The following LRRTM4 variants were observed in gnomAD, a reference collection of about 807,000 sequenced individuals.
LRRTM4 encodes the protein leucine-rich repeat transmembrane neuronal protein 4.
LRRTM4 carries 25 observed loss-of-function variants against 47.6 expected under a neutral mutation model. That is an observed-to-expected ratio of 0.53 (90% CI 0.38 to 0.73). LRRTM4 has a LOEUF of 0.73. Among genes scored for constraint, LRRTM4 ranks in the 30% least tolerant of loss-of-function variants. The pLI is 0.00. For synonymous variants in LRRTM4, 311 were observed against 269.5 expected (o/e 1.15, Z -1.51); for missense variants, 638 against 713.4 (o/e 0.89, Z 1.20).
At chr2:77,223,559 A>G (rs370108231) in intron 3 of LRRTM4, among the ~76,000 whole-genome samples, 1 of 152,002 alleles carries the variant, frequency 6.6e-6, no homozygotes, top group Non-Finnish European at 1.5e-5. Flanking sequence ...TTCTTATACA[A>G]CAATAACAGA....
chr2:77,076,221 C>A (rs1004052468), intron 3 of LRRTM4, among the ~76,000 whole-genome samples: 8 of 152,158 alleles, frequency 5.3e-5, no homozygotes, highest in Non-Finnish European at 1.0e-4. Context: ...AGAACTTACA[C>A]TGTCCTTGGA....
intron 3 of LRRTM4, among the ~76,000 whole-genome samples, chr2:77,509,104 C>T (rs577582695): frequency 2.0e-5 from 3 of 151,852 alleles, no homozygotes; most frequent in South Asian, 2.1e-4. Flanking sequence ...TGGTAGCACA[C>T]ACCTGTAATC....
chr2:76,786,785 A>ACAAAC (rs1283621788), intron 3 of LRRTM4, among the ~76,000 whole-genome samples: 2 of 152,068 alleles, frequency 1.3e-5, no homozygotes, highest in Non-Finnish European at 2.9e-5. Context: ...TTCTTGGTTG[A>ACAAAC]CAAACCAAAA....
chr2:76,950,949 C>T (rs1483651397), intron 3 of LRRTM4, among the ~76,000 whole-genome samples: 1 of 151,974 alleles, frequency 6.6e-6, no homozygotes, highest in Non-Finnish European at 1.5e-5. Flanking sequence ...AGCCTGTTTT[C>T]CTTCATTTCA....
intron 3 of LRRTM4, among the ~76,000 whole-genome samples, chr2:77,110,577 T>TGG (rs746640515): frequency 4.2e-4 from 64 of 152,324 alleles, no homozygotes; most frequent in South Asian, 1.7e-3. Flanking sequence ...TGAAGTTGTG[T>TGG]GCAAATGTTT....
chr2:76,947,532 A>C (rs1372269604), intron 3 of LRRTM4, among the ~76,000 whole-genome samples: 2 of 151,884 alleles, frequency 1.3e-5, no homozygotes, highest in African/African-American at 4.8e-5. Context: ...GTGTTCACTC[A>C]TAATGTATGT....
intron 3 of LRRTM4, among the ~76,000 whole-genome samples, chr2:77,402,298 A>G (rs765955480): frequency 3.3e-5 from 5 of 151,906 alleles, no homozygotes; most frequent in Non-Finnish European, 7.4e-5. Flanking sequence ...GGTGTGTGCC[A>G]CCATACCTGA....
intron 3 of LRRTM4, among the ~76,000 whole-genome samples, chr2:76,894,617 G>A (rs1327513908): frequency 2.6e-5 from 4 of 151,914 alleles, no homozygotes; most frequent in East Asian, 3.9e-4. Context: ...ATGGGCAAAG[G>A]CTCTGAATTA....
intron 3 of LRRTM4, among the ~76,000 whole-genome samples, chr2:76,763,437 C>T (rs1365483297): frequency 1.3e-5 from 2 of 152,176 alleles, no homozygotes; most frequent in African/African-American, 2.4e-5. Flanking sequence ...CAAAAACAGT[C>T]ATGTGAGCAC....
chr2:76,938,122 C>A (rs1045155961), intron 3 of LRRTM4, among the ~76,000 whole-genome samples: 1 of 151,936 alleles, frequency 6.6e-6, no homozygotes, highest in Admixed American at 6.6e-5. Flanking sequence ...GAAAAAAATT[C>A]TACTGATTGG....
chr2:76,950,839 A>T (rs181595114), intron 3 of LRRTM4, among the ~76,000 whole-genome samples: 138 of 152,116 alleles, frequency 9.1e-4, no homozygotes, highest in Non-Finnish European at 1.6e-3. Flanking sequence ...CCATATTAAG[A>T]CTAGGCTAAA....
chr2:76,788,493 T>G (rs561283224), intron 3 of LRRTM4, among the ~76,000 whole-genome samples: 1 of 152,090 alleles, frequency 6.6e-6, no homozygotes, highest in Non-Finnish European at 1.5e-5. Context: ...AGATACAGAG[T>G]GTAATGCTCT....
At chr2:77,288,545 ACTC>A (rs1676726205) in intron 3 of LRRTM4, among the ~76,000 whole-genome samples, 1 of 152,034 alleles carries the variant, frequency 6.6e-6, no homozygotes, top group African/African-American at 2.4e-5. Context: ...GGTTTTAAGA[ACTC>A]ATCATTTTCC....
intron 3 of LRRTM4, among the ~76,000 whole-genome samples, chr2:77,312,230 T>C (rs1022441348): frequency 2.6e-5 from 4 of 152,146 alleles, no homozygotes; most frequent in Non-Finnish European, 5.9e-5. Context: ...TTCCACAGTA[T>C]TAATTGGGTG....
chr2:76,811,179 C>A (rs929627484), intron 3 of LRRTM4, among the ~76,000 whole-genome samples: 12 of 152,124 alleles, frequency 7.9e-5, no homozygotes, highest in Non-Finnish European at 2.9e-5. Flanking sequence ...TAAGGCTTTG[C>A]TGCAAAAGGT....
chr2:76,819,561 T>C (rs1341209986), intron 3 of LRRTM4, among the ~76,000 whole-genome samples: 1 of 151,882 alleles, frequency 6.6e-6, no homozygotes, highest in Non-Finnish European at 1.5e-5. Context: ...ATTTCTCACT[T>C]CATAATATTT....
intron 3 of LRRTM4, among the ~76,000 whole-genome samples, chr2:77,353,420 G>A (rs1430060605): frequency 6.6e-6 from 1 of 152,110 alleles, no homozygotes; most frequent in Non-Finnish European, 1.5e-5. Context: ...TGACATGCTT[G>A]AAGATGAAAT....
intron 3 of LRRTM4, among the ~76,000 whole-genome samples, chr2:77,069,429 G>GTGTT (rs1553381604): frequency 2.7e-5 from 4 of 149,772 alleles, no homozygotes; most frequent in African/African-American, 7.4e-5. Context: ...GTGTGTGTGT[G>GTGTT]TGTGTGTGTT....
rs111490311 is a variant in LRRTM4 at position 77,086,409 on chromosome 2, A to AGTGTGTGTGTGTGTGT, written c.1552-337494_1552-337493insACACACACACACACAC. On this transcript the variant is annotated intron_variant, in intron 3 of 3. Transcript: ENST00000409884. ...TATTTTTTACTTTTTAAACATTTTT[A>AGTGTGTGTGTGTGTGT]GTGTGTGTATGTGTGTGTATGTGTG... 5.4e-3 allele frequency among the ~76,000 whole-genome samples: 818 copies of AGTGTGTGTGTGTGTGT among 150,706 alleles called. 5 individuals are homozygous for AGTGTGTGTGTGTGTGT. Among genetic ancestry groups the AGTGTGTGTGTGTGTGT allele is most frequent in the East Asian group, 0.016 (83 of 5,068 alleles).
Sources: gnomAD v4.1 joint callset for allele counts (sites outside exome capture counted in the v4.1 genomes callset) on GRCh38, gnomAD v4.1.1 for gene constraint, MANE v1.5 for transcripts, NCBI Gene and HGNC (gene_info 2026-07-23, HGNC 2026-07-21) for gene names.